The following ACOXL variants were observed in gnomAD, a reference collection of about 807,000 sequenced individuals.
The protein encoded by ACOXL is acyl-coenzyme A oxidase-like protein.
A neutral mutation model predicts 71.9 loss-of-function variants in ACOXL; 70 were observed. The observed-to-expected ratio is 0.97, with a 90% CI of 0.80 to 1.19. The LOEUF is 1.19. Ranked by LOEUF, ACOXL falls within the 50% of genes most tolerant of loss-of-function variation. The pLI, the probability that ACOXL is intolerant of heterozygous loss-of-function variation, is 0.00. For missense variants in ACOXL, 703 were observed against 736.3 expected (o/e 0.95, Z 0.52); for synonymous variants, 253 against 281.6 (o/e 0.90, Z 1.02).
chr2:110,893,918 A>T (rs999002981), intron 10 of ACOXL, among the ~76,000 whole-genome samples: 13 of 152,148 alleles, frequency 8.5e-5, no homozygotes, highest in African/African-American at 2.9e-4. Flanking sequence ...TATTTTTTAA[A>T]GGGAGAAAAT....
chr2:110,971,453 T>A (rs1273681676), intron 12 of ACOXL, among the ~76,000 whole-genome samples: 2 of 152,244 alleles, frequency 1.3e-5, no homozygotes, highest in East Asian at 3.8e-4. Flanking sequence ...TTCTTGTGCT[T>A]CATTGCTACA....
intron 16 of ACOXL, among the ~76,000 whole-genome samples, chr2:111,081,543 C>CTT (rs2067919445): frequency 6.6e-6 from 1 of 152,172 alleles, no homozygotes; most frequent in South Asian, 2.1e-4. Context: ...AATGGAAAAA[C>CTT]ATTCCATGCT....
intron 16 of ACOXL, among the ~76,000 whole-genome samples, chr2:111,080,973 G>A (rs562539301): frequency 5.3e-5 from 8 of 152,178 alleles, no homozygotes; most frequent in African/African-American, 1.7e-4. Flanking sequence ...TTCAACATCC[G>A]TTCATGCTAA....
At chr2:111,024,548 C>T (rs2064926806) in intron 14 of ACOXL, among the ~76,000 whole-genome samples, 1 of 152,114 alleles carries the variant, frequency 6.6e-6, no homozygotes, top group African/African-American at 2.4e-5. Flanking sequence ...TTCTAGCCTC[C>T]AGAACTGCGA....
At chr2:110,833,068 A>G (rs921870353) in intron 9 of ACOXL, among the ~76,000 whole-genome samples, 4 of 152,210 alleles carry the variant, frequency 2.6e-5, no homozygotes, top group African/African-American at 9.7e-5. Context: ...ACTCCTGGGG[A>G]TTTTCCCAGA....
chr2:110,764,003 A>G (rs1026365897), intron 1 of ACOXL, among the ~76,000 whole-genome samples: 1 of 152,218 alleles, frequency 6.6e-6, no homozygotes, highest in African/African-American at 2.4e-5. Flanking sequence ...ATATCACTAC[A>G]TGTCTGTTAG....
chr2:110,817,226 G>C (rs1034144384), intron 9 of ACOXL, among the ~76,000 whole-genome samples: 1 of 152,228 alleles, frequency 6.6e-6, no homozygotes, highest in Non-Finnish European at 1.5e-5. Context: ...GATTCCATGT[G>C]TGTGTTCTCA....
intron 10 of ACOXL, among the ~76,000 whole-genome samples, chr2:110,871,541 G>C (rs780468152): frequency 6.6e-6 from 1 of 152,096 alleles, no homozygotes; most frequent in Non-Finnish European, 1.5e-5. Context: ...TAATCTTACT[G>C]GTTGGGGATG....
intron 10 of ACOXL, among the ~76,000 whole-genome samples, chr2:110,849,366 C>A (rs1056673204): frequency 3.3e-5 from 5 of 152,210 alleles, no homozygotes; most frequent in Non-Finnish European, 5.9e-5. Flanking sequence ...AAGACATCCA[C>A]ATGAAATTGA....
chr2:110,961,129 T>A (rs2061686163), intron 12 of ACOXL, among the ~76,000 whole-genome samples: 1 of 152,198 alleles, frequency 6.6e-6, no homozygotes, highest in Non-Finnish European at 1.5e-5. Flanking sequence ...CCCATGTGGT[T>A]GGACTTTGAT....
intron 14 of ACOXL, among the ~76,000 whole-genome samples, chr2:111,000,265 A>G (rs2149612192): frequency 6.6e-6 from 1 of 152,310 alleles, no homozygotes; most frequent in East Asian, 1.9e-4. Context: ...GCCTGAAGTT[A>G]TGTGGAAAGT....
intron 3 of ACOXL, among the ~76,000 whole-genome samples, chr2:110,791,610 G>T (rs1684655751): frequency 6.6e-6 from 1 of 152,238 alleles, no homozygotes; most frequent in African/African-American, 2.4e-5. Context: ...TGAGTCTTCA[G>T]GGTGTGAATC....
intron 12 of ACOXL, among the ~76,000 whole-genome samples, chr2:110,962,289 C>T (rs2149451013): frequency 6.6e-6 from 1 of 152,318 alleles, no homozygotes; most frequent in Admixed American, 6.5e-5. Context: ...GGCAGGACCG[C>T]ACTTTATCGG....
chr2:110,965,813 A>G (rs1167587203), intron 12 of ACOXL, among the ~76,000 whole-genome samples: 1 of 152,182 alleles, frequency 6.6e-6, no homozygotes, highest in Non-Finnish European at 1.5e-5. Flanking sequence ...TTGGGACTTG[A>G]ACAATGAAAC....
chr2:110,851,044 T>C (rs1186257858), intron 10 of ACOXL, among the ~76,000 whole-genome samples: 3 of 152,168 alleles, frequency 2.0e-5, no homozygotes, highest in African/African-American at 7.2e-5. Context: ...GTGATTCTTT[T>C]TGCATGACAT....
chr2:110,772,714 C>G (rs1682114938), intron 2 of ACOXL, among the ~76,000 whole-genome samples: 1 of 152,200 alleles, frequency 6.6e-6, no homozygotes, highest in African/African-American at 2.4e-5. Flanking sequence ...CCATCGTTAT[C>G]TAAACCAGTG....
rs1405134234 is a variant in ACOXL, at chr2:111,117,568, T to A, written c.1543-48T>A. The A allele has an allele frequency of 1.4e-5, 22 of 1,542,640 alleles. No individual in the cohort carries two copies. The Admixed American group carries it at 4.3e-4, about 30-fold the overall frequency. The stretch of plus-strand genomic sequence containing the variant: ...CTGAAAGCTGCTGTCACTAGATGGC[T>A]GTAAGTGTGCCAACATCTGACCTGT... On this transcript the variant is annotated intron_variant, in intron 17 of 17. Transcript: ENST00000439055.
At chr2:110,977,536 A>G (rs921061592) in intron 12 of ACOXL, among the ~76,000 whole-genome samples, 4 of 152,224 alleles carry the variant, frequency 2.6e-5, no homozygotes, top group South Asian at 2.1e-4. Context: ...CCATCCTCCA[A>G]CATAACAACC....
At chr2:110,743,655 A>T (rs543577794) in intron 1 of ACOXL, among the ~76,000 whole-genome samples, 10 of 152,262 alleles carry the variant, frequency 6.6e-5, no homozygotes, top group Admixed American at 3.9e-4. Context: ...GGAAGGACCA[A>T]TGCACCATTC....
Sources: allele counts gnomAD v4.1 joint callset (sites outside exome capture counted in the v4.1 genomes callset), GRCh38; gene constraint gnomAD v4.1.1; transcripts MANE v1.5; gene names NCBI Gene and HGNC (gene_info 2026-07-23, HGNC 2026-07-21).